The following TMEM217B variants were observed in gnomAD, a reference collection of about 807,000 sequenced individuals.
TMEM217B encodes putative transmembrane protein 217B.
the TMEM217B span, among the ~76,000 whole-genome samples, chr6:37,225,795 C>T: frequency 6.6e-6 from 1 of 152,232 alleles, no homozygotes; most frequent in African/African-American, 2.4e-5. Flanking sequence ...TGTGTGGCCC[C>T]ATGACCAACG....
At chr6:37,244,464 C>T in the TMEM217B span, among the ~76,000 whole-genome samples, 30 of 152,362 alleles carry the variant, frequency 2.0e-4, no homozygotes, top group South Asian at 3.1e-3. Flanking sequence ...ACAACTGCCT[C>T]CAATCCTTGG....
chr6:37,213,498 C>T, the TMEM217B span, among the ~76,000 whole-genome samples: 2 of 152,230 alleles, frequency 1.3e-5, no homozygotes, highest in African/African-American at 4.8e-5. Flanking sequence ...TGGGCATGGC[C>T]CAGCCTTGTC....
chr6:37,214,562 T>C, the TMEM217B span, among the ~76,000 whole-genome samples: 1 of 151,980 alleles, frequency 6.6e-6, no homozygotes. Flanking sequence ...CACCAAAATC[T>C]CTGTACCCAT....
the TMEM217B span, among the ~76,000 whole-genome samples, chr6:37,229,007 C>A: frequency 1.3e-5 from 2 of 150,756 alleles, no homozygotes; most frequent in African/African-American, 2.4e-5. Flanking sequence ...AAAAAAAAAA[C>A]AAAAAACAAA....
chr6:37,232,695 G>A, the TMEM217B span, among the ~76,000 whole-genome samples: 85 of 152,300 alleles, frequency 5.6e-4, no homozygotes, highest in Non-Finnish European at 9.3e-4. Flanking sequence ...GTTACAAAGA[G>A]GAAGTATCTT....
chr6:37,214,225 TTCTC>T, the TMEM217B span, among the ~76,000 whole-genome samples: 15 of 150,104 alleles, frequency 1.0e-4, 1 homozygote, highest in East Asian at 7.8e-4. Context: ...AGAACTTCCT[TTCTC>T]TCTCTCTCTC....
the TMEM217B span, chr6:37,212,679 C>T: frequency 1.5e-5 from 9 of 599,804 alleles, 1 homozygote; most frequent in South Asian, 1.1e-4. Flanking sequence ...AGTTGATGAG[C>T]TCGTAAGTGA....
the TMEM217B span, among the ~76,000 whole-genome samples, chr6:37,250,034 T>C: frequency 3.3e-5 from 5 of 152,156 alleles, no homozygotes; most frequent in Non-Finnish European, 7.3e-5. Flanking sequence ...ATAGATAAAA[T>C]ATGGTATTAT....
the TMEM217B span, among the ~76,000 whole-genome samples, chr6:37,231,080 G>C: frequency 1.3e-4 from 20 of 151,578 alleles, no homozygotes; most frequent in African/African-American, 4.8e-4. Context: ...TTTTCTTTTT[G>C]AGATGGAGTC....
At chr6:37,254,099 A>G in the TMEM217B span, among the ~76,000 whole-genome samples, 4 of 152,230 alleles carry the variant, frequency 2.6e-5, no homozygotes, top group African/African-American at 9.6e-5. Flanking sequence ...TAGTAACAGA[A>G]GATCTATAAA....
At chr6:37,253,608 T>C in the TMEM217B span, among the ~76,000 whole-genome samples, 1 of 152,214 alleles carries the variant, frequency 6.6e-6, no homozygotes, top group Non-Finnish European at 1.5e-5. Context: ...GGCCCAACAT[T>C]GCACAGTGCA....
At chr6:37,214,121 T>C in the TMEM217B span, among the ~76,000 whole-genome samples, 3 of 152,210 alleles carry the variant, frequency 2.0e-5, no homozygotes, top group Non-Finnish European at 4.4e-5. Flanking sequence ...ATATACAGAA[T>C]GTAAAATTCA....
chr6:37,234,735 CA>C, the TMEM217B span, among the ~76,000 whole-genome samples: 5 of 148,526 alleles, frequency 3.4e-5, no homozygotes, highest in Non-Finnish European at 7.4e-5. Flanking sequence ...GACTCCATCT[CA>C]AAAAAAAGAA....
At chr6:37,250,801 T>C in the TMEM217B span, among the ~76,000 whole-genome samples, 1 of 152,390 alleles carries the variant, frequency 6.6e-6, no homozygotes, top group African/African-American at 2.4e-5. Flanking sequence ...TGATCTTTTC[T>C]ATTTCTGTCT....
chr6:37,240,659 G>A, the TMEM217B span, among the ~76,000 whole-genome samples: 1 of 152,154 alleles, frequency 6.6e-6, no homozygotes, highest in African/African-American at 2.4e-5. Flanking sequence ...CAGGATTATT[G>A]AGGCAAACTT....
chr6:37,235,736 G>A, the TMEM217B span, among the ~76,000 whole-genome samples: 1 of 152,172 alleles, frequency 6.6e-6, no homozygotes, highest in Non-Finnish European at 1.5e-5. Flanking sequence ...GTCTGGTGAG[G>A]ACTGCTCTCT....
chr6:37,238,998 C>G, the TMEM217B span, among the ~76,000 whole-genome samples: 9 of 152,072 alleles, frequency 5.9e-5, no homozygotes, highest in African/African-American at 2.2e-4. Context: ...GGCATGTTGG[C>G]ACATGCCTGT....
At chr6:37,228,339 T>C in the TMEM217B span, among the ~76,000 whole-genome samples, 2 of 152,230 alleles carry the variant, frequency 1.3e-5, no homozygotes, top group African/African-American at 4.8e-5. Context: ...CCTTAATAGG[T>C]TGTGCTGTTC....
At chr6:37,237,308 A>G in the TMEM217B span, among the ~76,000 whole-genome samples, 234 of 152,316 alleles carry the variant, frequency 1.5e-3, no homozygotes, top group African/African-American at 5.3e-3. Context: ...GTGAATTGAC[A>G]TTCTCTGCCT....
Sources: allele counts gnomAD v4.1 joint callset (sites outside exome capture counted in the v4.1 genomes callset), GRCh38; gene constraint gnomAD v4.1.1; transcripts MANE v1.5; gene names NCBI Gene and HGNC (gene_info 2026-07-23, HGNC 2026-07-21).